The following CPD variants were observed in gnomAD, a reference collection of about 807,000 sequenced individuals.
CPD encodes carboxypeptidase D.
In CPD, 69 loss-of-function variants were observed where a neutral mutation model predicts 138.3. That is an observed-to-expected ratio of 0.50 (90% CI 0.41 to 0.61). The LOEUF is 0.61. CPD is among the 20% of genes least tolerant of loss of function. The pLI, the probability that CPD is intolerant of heterozygous loss-of-function variation, is 0.00. For missense variants in CPD, 1,432 were observed against 1,733.3 expected (o/e 0.83, Z 3.09); for synonymous variants, 651 against 642.1 (o/e 1.01, Z -0.21).
chr17:30,409,967 C>CT (rs1259845714), intron 2 of CPD, among the ~76,000 whole-genome samples: 1 of 152,166 alleles, frequency 6.6e-6, no homozygotes, highest in Non-Finnish European at 1.5e-5. Flanking sequence ...AATTTTAGCT[C>CT]TTTCCTGCTT....
At chr17:30,451,620 A>G in intron 13 of CPD, 91 bp from the exon 14 acceptor site, 2 of 1,145,536 alleles carry the variant, frequency 1.7e-6, no homozygotes, top group Non-Finnish European at 2.5e-6. Flanking sequence ...AACTATGTGT[A>G]GAATAAACAG....
chr17:30,411,796 G>T (rs1009803130), intron 2 of CPD, among the ~76,000 whole-genome samples: 3 of 152,176 alleles, frequency 2.0e-5, no homozygotes, highest in Non-Finnish European at 4.4e-5. Context: ...CTTGCGATGG[G>T]TTAGAACATG....
rs1910995404 is a variant in CPD, at chr17:30,379,829, G to T, written c.746+103G>T. The T allele has an allele frequency of 2.5e-6, 2 of 813,784 alleles. No individual in the cohort carries two copies. The highest frequency in any genetic ancestry group is 1.8e-5 in the African/African-American group (1 of 55,408). 50.4% of individuals were successfully genotyped at this position (813,784 alleles called of 1,614,324 possible). ...AGACAATGCTGGCATAAGGGGTGGC[G>T]GTGGTGAAGGTGAAGGGAGACACCC... is the stretch of plus-strand genomic sequence containing the variant. On this transcript the variant is annotated intron_variant, in intron 1 of 20. Coordinates refer to ENST00000225719, the MANE Select transcript of CPD (RefSeq NM_001304.5). This position sits in a 1 kb window ranked among gnomAD's most constrained non-coding sequence, Gnocchi z 7.0.
At chr17:30,455,560 G>A (rs543940404) in intron 15 of CPD, 90 bp downstream of exon 15, 1 of 1,444,168 alleles carries the variant, frequency 6.9e-7, no homozygotes, top group Non-Finnish European at 9.5e-7. Flanking sequence ...TTTATAAATA[G>A]TGAGCATTTG....
intron 6 of CPD, among the ~76,000 whole-genome samples, chr17:30,426,918 C>T (rs1435742494): frequency 6.6e-6 from 1 of 152,132 alleles, no homozygotes; most frequent in Non-Finnish European, 1.5e-5. Flanking sequence ...TGGTGGCTCA[C>T]TCCTGTAATC....
Position 30,427,533 on chromosome 17 carries a change from T to C in CPD, c.1992T>C (p.Phe664=). Residue 664 remains phenylalanine (F), a synonymous_variant, in exon 7 of 21, where the codon TTT becomes TTC. Transcript: ENST00000225719. ...TGAGCTGGATGAAGTCCTATCCATT[T>C]GTACTTTCAGCAAACCTGCATGGAG... ...AVMSWMKSYP[F]VLSANLHGGS... is the part of the protein sequence containing the mutation. 6.2e-7 allele frequency: 1 copy of C among 1,614,142 alleles called. No homozygotes were observed. The highest frequency in any genetic ancestry group is 8.5e-7 in the Non-Finnish European group (1 of 1,179,998).
chr17:30,380,149 AT>A (rs780668317), intron 1 of CPD: 1 of 172,752 alleles, frequency 5.8e-6, no homozygotes, highest in Non-Finnish European at 1.2e-5. Flanking sequence ...ATCTCACTTT[AT>A]TTTGGCCACA....
chr17:30,427,258 T>G, intron 6 of CPD, 133 bp from the exon 7 acceptor site: 1 of 684,314 alleles, frequency 1.5e-6, no homozygotes, highest in Non-Finnish European at 2.4e-6. Flanking sequence ...AGTTTCATAA[T>G]CATAGGTGAT....
chr17:30,464,538 T>C, intron 20 of CPD, 50 bp from the exon 21 acceptor site: 1 of 1,479,232 alleles, frequency 6.8e-7, no homozygotes, highest in African/African-American at 1.4e-5. Flanking sequence ...GGCTGCTTAT[T>C]AATATCCTTA....
chr17:30,417,468 A>G (rs911036366), intron 2 of CPD, among the ~76,000 whole-genome samples: 4 of 152,150 alleles, frequency 2.6e-5, no homozygotes, highest in African/African-American at 9.7e-5. Context: ...AATATTCTAC[A>G]AATACCTCAA....
intron 4 of CPD, 92 bp downstream of exon 4, chr17:30,421,925 T>C: frequency 1.0e-6 from 1 of 970,866 alleles, no homozygotes; most frequent in Middle Eastern, 2.9e-4. Context: ...ATGTTGTTTA[T>C]TTTTTGTGGC....
At chr17:30,454,439 G>C (rs1458897733) in intron 14 of CPD, 1 of 152,286 alleles carries the variant, frequency 6.6e-6, no homozygotes, top group South Asian at 2.1e-4. Context: ...CATTATCTCC[G>C]TCTGAGACCA....
At chr17:30,455,107 G>T in intron 14 of CPD, 3 of 345,390 alleles carry the variant, frequency 8.7e-6, no homozygotes, top group Non-Finnish European at 1.6e-5. Context: ...TCTTTAACTT[G>T]CTTAGAGTCA....
intron 17 of CPD, among the ~76,000 whole-genome samples, chr17:30,457,135 T>C (rs151054176): frequency 2.6e-5 from 4 of 152,262 alleles, no homozygotes; most frequent in Middle Eastern, 3.4e-3. Context: ...TAACTCCCTA[T>C]TCCCCTCTCC....
In CPD at chr17:30,387,225, C is replaced by T. The variant is rs574418410; in HGVS notation, c.994+1989C>T. 3.1e-4 allele frequency among the ~76,000 whole-genome samples: 47 copies of T among 152,294 alleles called. 1 individual carries two copies. In the South Asian group the frequency reaches 9.1e-3, roughly 30 times the overall value. On this transcript the variant is annotated intron_variant, in intron 2 of 20. Coordinates refer to ENST00000225719, the MANE Select transcript of CPD (RefSeq NM_001304.5). ...CTCCGCCTCCTGGCTTCAAGTGATTCTCCAGCCTCAGCCTCCCAAGTAGCT... is the reference window on the plus strand; with the variant it reads ...CTCCGCCTCCTGGCTTCAAGTGATTTTCCAGCCTCAGCCTCCCAAGTAGCT...
At chr17:30,393,814 A>G (rs1166088647) in intron 2 of CPD, among the ~76,000 whole-genome samples, 1 of 152,152 alleles carries the variant, frequency 6.6e-6, no homozygotes, top group Non-Finnish European at 1.5e-5. Context: ...TGTTTTTAAG[A>G]TTATATATTA....
intron 2 of CPD, among the ~76,000 whole-genome samples, chr17:30,395,483 T>A (rs1377160739): frequency 6.6e-6 from 1 of 152,066 alleles, no homozygotes; most frequent in East Asian, 1.9e-4. Flanking sequence ...AAACAGAATA[T>A]TTGCTTGGAG....
At chr17:30,457,125 T>C (rs1366776369) in intron 17 of CPD, among the ~76,000 whole-genome samples, 1 of 152,138 alleles carries the variant, frequency 6.6e-6, no homozygotes, top group African/African-American at 2.4e-5. Context: ...CACTAAGCAA[T>C]AACTCCCTAT....
intron 12 of CPD, among the ~76,000 whole-genome samples, chr17:30,446,907 T>A (rs1391443662): frequency 6.6e-6 from 1 of 152,258 alleles, no homozygotes; most frequent in Non-Finnish European, 1.5e-5. Context: ...GGTTTTGATT[T>A]GCATTCTCTG....
Sources: gnomAD v4.1 joint callset for allele counts (sites outside exome capture counted in the v4.1 genomes callset) on GRCh38, gnomAD v4.1.1 for gene constraint, Gnocchi (gnomAD v3.1) non-coding constraint, MANE v1.5 for transcripts, NCBI Gene and HGNC (gene_info 2026-07-23, HGNC 2026-07-21) for gene names.